Variants in PLCB4 observed in about 807,000 individuals in gnomAD.
PLCB4 encodes phospholipase C beta 4.
Under a neutral mutation model 178.8 loss-of-function variants are expected in PLCB4, and 77 were observed. The observed-to-expected ratio is 0.43, with a 90% CI of 0.36 to 0.52. PLCB4 has a LOEUF of 0.52. Among genes scored for constraint, PLCB4 ranks in the 20% least tolerant of loss-of-function variants. PLCB4 has a pLI of 0.00. For synonymous variants in PLCB4, 496 were observed against 490.8 expected (o/e 1.01, Z -0.14); for missense variants, 1,024 against 1,453.4 (o/e 0.70, Z 4.80).
chr20:9,236,177 C>T (rs1227276264), intron 3 of PLCB4, among the ~76,000 whole-genome samples: 1 of 152,072 alleles, frequency 6.6e-6, no homozygotes, highest in East Asian at 1.9e-4. Context: ...GATGTTTGTA[C>T]AGGAAAATCT....
chr20:9,362,461 T>C (rs1432522857), intron 7 of PLCB4, among the ~76,000 whole-genome samples: 1 of 152,222 alleles, frequency 6.6e-6, no homozygotes, highest in African/African-American at 2.4e-5. Flanking sequence ...AACTCTTAGA[T>C]TGAAAGGATC....
At chr20:9,077,500 A>G (rs2089928414) in intron 1 of PLCB4, among the ~76,000 whole-genome samples, 1 of 152,218 alleles carries the variant, frequency 6.6e-6, no homozygotes, top group South Asian at 2.1e-4. Flanking sequence ...TCACTTGTAT[A>G]TGGCATACCA....
chr20:9,154,340 A>G (rs534988252), intron 2 of PLCB4, among the ~76,000 whole-genome samples: 3 of 152,316 alleles, frequency 2.0e-5, no homozygotes, highest in African/African-American at 7.2e-5. Flanking sequence ...CCTGAATAAA[A>G]TTGGGGCTCT....
chr20:9,234,866 G>A (rs1177802640), intron 3 of PLCB4, among the ~76,000 whole-genome samples: 1 of 152,126 alleles, frequency 6.6e-6, no homozygotes, highest in Non-Finnish European at 1.5e-5. Context: ...AAGGGTTACT[G>A]GACAATGCTT....
Position 9,414,511 on chromosome 20 carries a change from A to T in PLCB4, c.2051+3423A>T, listed in dbSNP as rs1168505227. ...CCTTTGGGCTGAGTCTGAGGACTGC[A>T]TTTCTTAAAGAGGCATTCTGTGCCC... On this transcript the variant is annotated intron_variant, in intron 25 of 39. Coordinates refer to ENST00000378473, the MANE Select transcript of PLCB4 (RefSeq NM_001377142.1). Among the ~76,000 whole-genome samples the T allele has an allele frequency of 9.8e-5, 15 of 152,374 alleles. No individual in the cohort carries two copies. The East Asian group carries it at 2.7e-3, about 27-fold the overall frequency.
intron 2 of PLCB4, among the ~76,000 whole-genome samples, chr20:9,178,905 T>A (rs568321128): frequency 1.3e-5 from 2 of 152,320 alleles, no homozygotes; most frequent in South Asian, 4.1e-4. Context: ...AACTTGCTTA[T>A]TTTTAAATAA....
chr20:9,436,100 TA>T (rs1360123616), intron 29 of PLCB4, among the ~76,000 whole-genome samples: 2 of 152,214 alleles, frequency 1.3e-5, no homozygotes, highest in Non-Finnish European at 2.9e-5. Flanking sequence ...AAATATTGTA[TA>T]AAATTACCTT....
At chr20:9,376,512 G>C (rs74869316) in intron 12 of PLCB4, among the ~76,000 whole-genome samples, 296 of 152,156 alleles carry the variant, frequency 1.9e-3, no homozygotes, top group Non-Finnish European at 3.0e-3. Flanking sequence ...AATCTTCTTT[G>C]CCTATAATAT....
intron 3 of PLCB4, among the ~76,000 whole-genome samples, chr20:9,235,408 G>T (rs1478604120): frequency 2.0e-5 from 3 of 152,150 alleles, no homozygotes; most frequent in Non-Finnish European, 4.4e-5. Flanking sequence ...AAAATGTATT[G>T]ATCCATAGTA....
chr20:9,470,667 A>C, intron 36 of PLCB4, among the ~76,000 whole-genome samples: 1 of 152,336 alleles, frequency 6.6e-6, no homozygotes. Flanking sequence ...TCTTATTTTG[A>C]AAACTGTACT....
intron 7 of PLCB4, among the ~76,000 whole-genome samples, chr20:9,347,302 A>AT (rs2033898489): frequency 6.6e-6 from 1 of 152,182 alleles, no homozygotes; most frequent in Non-Finnish European, 1.5e-5. Context: ...TGTCCATTTA[A>AT]TACTAACGTG....
intron 3 of PLCB4, among the ~76,000 whole-genome samples, chr20:9,248,129 T>C (rs1050700606): frequency 1.3e-5 from 2 of 151,966 alleles, no homozygotes; most frequent in Non-Finnish European, 2.9e-5. Context: ...TTATATTACA[T>C]ATATATTATA....
intron 2 of PLCB4, among the ~76,000 whole-genome samples, chr20:9,215,619 T>C (rs1391802719): frequency 2.0e-5 from 3 of 152,208 alleles, no homozygotes; most frequent in African/African-American, 4.8e-5. Context: ...TTGGAGTGAA[T>C]TGGCTTTTTT....
chr20:9,192,091 TATAATTGTGTATTTA>T (rs2093412233), intron 2 of PLCB4, among the ~76,000 whole-genome samples: 1 of 152,126 alleles, frequency 6.6e-6, no homozygotes, highest in South Asian at 2.1e-4. Flanking sequence ...CTTTCAGCTA[TATAATTGTGTATTTA>T]AACAGTGGGA....
At chr20:9,204,790 G>T (rs930697650) in intron 2 of PLCB4, among the ~76,000 whole-genome samples, 2 of 152,068 alleles carry the variant, frequency 1.3e-5, no homozygotes, top group Non-Finnish European at 1.5e-5. Flanking sequence ...AACTTTTGCC[G>T]CCCCGTAATG....
chr20:9,121,286 C>G (rs949602067), intron 2 of PLCB4, among the ~76,000 whole-genome samples: 1 of 152,072 alleles, frequency 6.6e-6, no homozygotes, highest in African/African-American at 2.4e-5. Flanking sequence ...TTTTTTTTAA[C>G]TAGTTTTTTT....
chr20:9,150,280 G>A (rs1014325354), intron 2 of PLCB4, among the ~76,000 whole-genome samples: 1 of 152,186 alleles, frequency 6.6e-6, no homozygotes, highest in Non-Finnish European at 1.5e-5. Flanking sequence ...GTTTCAGTTA[G>A]TGGACTTTAT....
At position 9,401,487 on chromosome 20, in the gene PLCB4, C is replaced by T. The variant is rs2039019638; in HGVS notation, c.1511-3C>T. ...ATGGATTTTCCATTTGTCTTTCACA[C>T]AGCTGACCAAGAGGAGGAAGCTCAC... is the stretch of plus-strand genomic sequence containing the variant. On this transcript the variant is annotated splice_polypyrimidine_tract_variant and splice_region_variant and intron_variant, in intron 19 of 39. Coordinates refer to ENST00000378473, the MANE Select transcript of PLCB4 (RefSeq NM_001377142.1). 6.2e-7 allele frequency: 1 copy of T among 1,608,180 alleles called. No homozygotes were observed. The highest frequency in any genetic ancestry group is 8.5e-7 in the Non-Finnish European group (1 of 1,175,020).
intron 2 of PLCB4, among the ~76,000 whole-genome samples, chr20:9,170,915 C>T (rs928608492): frequency 1.3e-5 from 2 of 152,258 alleles, no homozygotes; most frequent in South Asian, 2.1e-4. Flanking sequence ...TCTAACATAG[C>T]GGTAGGGATA....
Sources: allele counts gnomAD v4.1 joint callset (sites outside exome capture counted in the v4.1 genomes callset), GRCh38; gene constraint gnomAD v4.1.1; transcripts MANE v1.5; gene names NCBI Gene and HGNC (gene_info 2026-07-23, HGNC 2026-07-21).